Variants in AP1S2 observed in about 807,000 individuals in gnomAD.
AP1S2 encodes the protein adaptor related protein complex 1 subunit sigma 2.
A neutral mutation model predicts 14.3 loss-of-function variants in AP1S2; 1 was observed. The ratio of observed to expected loss-of-function variants is 0.07; its 90% CI spans 0.02 to 0.33. The LOEUF is 0.33. Among genes scored for constraint, AP1S2 ranks in the 10% least tolerant of loss-of-function variants. AP1S2 has a pLI of 0.99. For missense variants in AP1S2, 30 were observed against 117.7 expected (o/e 0.25, Z 3.45); for synonymous variants, 30 against 40.5 (o/e 0.74, Z 0.99).
chrX:15,834,568 C>T (rs1411992395), intron 4 of AP1S2, among the ~76,000 whole-genome samples: 1 of 93,732 alleles, frequency 1.1e-5, no homozygotes, highest in Non-Finnish European at 2.1e-5. Context: ...CTCCACCTCA[C>T]GGGTTCAAGC....
chrX:15,844,639 AGGT>A (rs1217848912), intron 4 of AP1S2, among the ~76,000 whole-genome samples: 3 of 112,461 alleles, frequency 2.7e-5, no homozygotes, highest in Non-Finnish European at 5.6e-5. Flanking sequence ...TTTTGGAAAA[AGGT>A]AGCCTTATCT....
intron 1 of AP1S2, among the ~76,000 whole-genome samples, chrX:15,853,849 AGCGGCATTCGAAG>A (rs1156863631): frequency 9.0e-6 from 1 of 111,526 alleles, no homozygotes; most frequent in Non-Finnish European, 1.9e-5. Context: ...TCCTGAAGAT[AGCGGCATTCGAAG>A]GGGGCAGGAA....
intron 1 of AP1S2, among the ~76,000 whole-genome samples, chrX:15,854,308 C>A (rs1170096789): frequency 8.9e-6 from 1 of 111,944 alleles, no homozygotes; most frequent in Non-Finnish European, 1.9e-5. Flanking sequence ...ACTGACCAAG[C>A]CCGGGAGAGG....
At chrX:15,833,167 C>T (rs1367706272) in intron 4 of AP1S2, 2 of 753,351 alleles carry the variant, frequency 2.7e-6, no homozygotes, top group East Asian at 1.5e-4. Context: ...TCTATCATAC[C>T]ATGTAAAAAC....
At chrX:15,842,589 C>T (rs777660687) in intron 4 of AP1S2, among the ~76,000 whole-genome samples, 5 of 112,443 alleles carry the variant, frequency 4.4e-5, no homozygotes, top group African/African-American at 9.7e-5. Context: ...AGGACCACAG[C>T]TTTCTTCTAA....
At chrX:15,845,593 A>G in intron 3 of AP1S2, 77 bp from the exon 4 acceptor site, 3 of 1,129,850 alleles carry the variant, frequency 2.7e-6, no homozygotes, top group Admixed American at 2.7e-5. Flanking sequence ...CTTATTCACT[A>G]TCAGGTAGTG....
In AP1S2 at chrX:15,847,949, G is replaced by A. The variant is rs142528497; in HGVS notation, c.180-1938C>T. ...TCATGCTACTATTAAACAAGCTAAT[G>A]CTCGTACCATCCTCGCTCCTTATCC... On this transcript the variant is annotated intron_variant, in intron 2 of 5. Transcript: ENST00000672987. Among the ~76,000 whole-genome samples, 185 of 111,697 alleles carry A rather than the reference G, an allele frequency of 1.7e-3. 1 individual carries two copies. Among genetic ancestry groups the A allele is most frequent in the Non-Finnish European group, 2.9e-3 (156 of 53,039 alleles).
chrX:15,833,613 G>C (rs1933500629), intron 4 of AP1S2: 1 of 540,142 alleles, frequency 1.9e-6, no homozygotes, highest in African/African-American at 2.6e-5. Flanking sequence ...AGACTTCTAG[G>C]GTCTGAAAAA....
intron 4 of AP1S2, among the ~76,000 whole-genome samples, chrX:15,839,649 CT>C (rs56962741): frequency 0.017 from 1,737 of 101,272 alleles, 32 homozygotes; most frequent in African/African-American, 0.059. Context: ...CCCAGCTAGT[CT>C]TTTTTTTTTT....
rs912444495 is a variant in AP1S2 at position 15,845,951 on chromosome X, C to T, written c.240G>A (p.Leu80=). ...IEDQDNELIT[L]EIIHRYVELL... ...ATTCCACATAACGATGAATTATTTC[C>T]AGGGTAATTAGTTCATTGTCCTGAT... Residue 80 remains leucine, a synonymous_variant, in exon 3 of 6, where the codon CTG becomes CTA. Coordinates refer to ENST00000672987, the MANE Select transcript of AP1S2 (RefSeq NM_001272071.2). 5.8e-6 allele frequency: 7 copies of T among 1,205,181 alleles called. No homozygotes were observed. The highest frequency in any genetic ancestry group is 6.7e-6 in the Non-Finnish European group (6 of 889,787).
intron 4 of AP1S2, among the ~76,000 whole-genome samples, chrX:15,829,800 A>AG (rs1296379707): frequency 1.8e-5 from 2 of 111,348 alleles, no homozygotes; most frequent in African/African-American, 6.5e-5. Flanking sequence ...GCTGGGGGAC[A>AG]GGGAGAAATG....
chrX:15,830,374 C>T, intron 4 of AP1S2: 3 of 752,907 alleles, frequency 4.0e-6, no homozygotes, highest in Non-Finnish European at 4.7e-6. Flanking sequence ...CTTCAAATGT[C>T]GTGCATTACA....
Position 15,852,451 on chromosome X carries a change from T to G in AP1S2, c.74A>C (p.Lys25Thr). The stretch of plus-strand genomic sequence containing the variant: ...TTCTCTTGTGATCTTTTTCTTCTCT[T>G]TGTCTGATAGTGGGACATACCATTT... ...LQKWYVPLSD[K>T]EKKKITRELV... The change falls in exon 2 of 6, where the codon AAA becomes ACA. Residue 25 changes from lysine to threonine, a missense_variant. Coordinates refer to ENST00000672987, the MANE Select transcript of AP1S2 (RefSeq NM_001272071.2). The G allele has an allele frequency of 8.3e-7, 1 of 1,211,600 alleles. No individual in the cohort carries two copies. The highest frequency in any genetic ancestry group is 3.0e-5 in the East Asian group (1 of 33,865).
At chrX:15,830,025 A>G (rs1042406904) in intron 4 of AP1S2, 3 of 674,606 alleles carry the variant, frequency 4.4e-6, no homozygotes, top group Non-Finnish European at 5.3e-6. Context: ...TTTATGAGGG[A>G]TGGAAAAGAA....
intron 4 of AP1S2, among the ~76,000 whole-genome samples, chrX:15,843,102 G>GCTAT (rs1264648962): frequency 2.7e-5 from 3 of 110,800 alleles, no homozygotes; most frequent in Non-Finnish European, 5.7e-5. Flanking sequence ...CTCCCATAGG[G>GCTAT]GAATATATAT....
chrX:15,841,230 T>A (rs748784846), intron 4 of AP1S2, among the ~76,000 whole-genome samples: 1 of 111,665 alleles, frequency 9.0e-6, no homozygotes, highest in East Asian at 2.8e-4. Context: ...AATTTTTTTT[T>A]AATTTTTCTG....
intron 2 of AP1S2, among the ~76,000 whole-genome samples, chrX:15,852,015 T>C (rs1934195529): frequency 8.9e-6 from 1 of 112,141 alleles, no homozygotes; most frequent in African/African-American, 3.2e-5. Context: ...TTCAGAGAAT[T>C]ACTCACACAA....
chrX:15,842,141 G>C (rs1933855178), intron 4 of AP1S2, among the ~76,000 whole-genome samples: 1 of 111,935 alleles, frequency 8.9e-6, no homozygotes, highest in Non-Finnish European at 1.9e-5. Flanking sequence ...TTGTTGTCAT[G>C]GTATCCAAAA....
chrX:15,853,463 A>T (rs1204484199), intron 1 of AP1S2, among the ~76,000 whole-genome samples: 1 of 112,599 alleles, frequency 8.9e-6, no homozygotes. Flanking sequence ...TATTGTTTCT[A>T]CAAAGGTAAT....
Sources: allele counts gnomAD v4.1 joint callset (sites outside exome capture counted in the v4.1 genomes callset), GRCh38; gene constraint gnomAD v4.1.1; transcripts MANE v1.5; gene names NCBI Gene and HGNC (gene_info 2026-07-23, HGNC 2026-07-21).